PKNOX2: variants seen among roughly 807,000 people sequenced by gnomAD.
PKNOX2 encodes PBX/knotted 1 homeobox 2.
PKNOX2 carries 14 observed loss-of-function variants against 53.1 expected under a neutral mutation model. The ratio of observed to expected loss-of-function variants is 0.26; its 90% CI spans 0.17 to 0.41. PKNOX2 has a LOEUF of 0.41. Ranked by LOEUF, PKNOX2 falls within the 10% of genes least tolerant of loss-of-function variation. PKNOX2 has a pLI of 1.00. For synonymous variants in PKNOX2, 257 were observed against 242.8 expected, an observed-to-expected ratio of 1.06 and a Z score of -0.54; for missense variants, 496 against 602.8, an observed-to-expected ratio of 0.82 and a Z score of 1.85.
intron 5 of PKNOX2, among the ~76,000 whole-genome samples, chr11:125,377,669 G>C (rs1216661119): frequency 1.3e-5 from 2 of 152,192 alleles, no homozygotes; most frequent in Non-Finnish European, 2.9e-5. Flanking sequence ...CAATCTTTTG[G>C]CTTCCTTGAG....
chr11:125,209,906 G>T (rs1939621896), intron 1 of PKNOX2, among the ~76,000 whole-genome samples: 1 of 152,060 alleles, frequency 6.6e-6, no homozygotes. Context: ...TTCTGGGCTG[G>T]TATTGCTCTT....
rs183670184 is a variant in PKNOX2, at chr11:125,234,582, T to A, written c.-200-463T>A. Among the ~76,000 whole-genome samples the A allele has an allele frequency of 1.8e-4, 28 of 152,304 alleles. No individual in the cohort carries two copies. The East Asian group carries it at 5.0e-3, about 27-fold the overall frequency. ...CCTGAGGTAGACAACAGGGTCAGCG[T>A]TGTCGTTTGCTTGCCTTTTGCAGCC... On this transcript the variant is annotated intron_variant, in intron 1 of 12. Coordinates refer to ENST00000298282, the MANE Select transcript of PKNOX2 (RefSeq NM_001382323.2).
intron 2 of PKNOX2, among the ~76,000 whole-genome samples, chr11:125,235,967 T>C (rs1942641091): frequency 6.6e-6 from 1 of 152,216 alleles, no homozygotes; most frequent in East Asian, 1.9e-4. Context: ...GCAGGCATAG[T>C]TTCCCCACGC....
At chr11:125,201,182 GT>G (rs1195884104) in intron 1 of PKNOX2, among the ~76,000 whole-genome samples, 5 of 152,122 alleles carry the variant, frequency 3.3e-5, no homozygotes, top group African/African-American at 1.2e-4. Context: ...TTGCTGCTTG[GT>G]TATGGCCATT....
intron 6 of PKNOX2, among the ~76,000 whole-genome samples, chr11:125,391,430 A>G (rs78262733): frequency 0.055 from 8,359 of 152,308 alleles, 317 homozygotes; most frequent in African/African-American, 0.099. Context: ...GGAGGACCAT[A>G]ATACCACAGT....
chr11:125,410,223 A>T lies in PKNOX2; in HGVS notation c.616A>T (p.Met206Leu). The T allele has an allele frequency of 6.2e-7, 1 of 1,613,988 alleles. No individual in the cohort carries two copies. The highest frequency in any genetic ancestry group is 1.1e-5 in the South Asian group (1 of 91,072). The stretch of plus-strand genomic sequence containing the variant: ...CCTCCTGCAGAATTCCCCCAATTCC[A>T]TGTCCGGAGTCTCCAATAACCCCCA... ...QDLLQNSPNS[M>L]SGVSNNPQGI... Residue 206 changes from methionine (M) to leucine (L), a missense_variant, in exon 8 of 13, where the codon ATG becomes TTG. Met to Leu is a conservative substitution (Grantham distance 15). Transcript: ENST00000298282.
intron 2 of PKNOX2, among the ~76,000 whole-genome samples, chr11:125,242,178 A>T (rs961763040): frequency 5.3e-5 from 8 of 152,052 alleles, no homozygotes; most frequent in African/African-American, 1.9e-4. Context: ...CATTTCGCAC[A>T]TGCTCACATG....
chr11:125,416,172 G>A (rs547274805), intron 10 of PKNOX2, among the ~76,000 whole-genome samples: 5 of 151,036 alleles, frequency 3.3e-5, no homozygotes, highest in East Asian at 1.9e-4. Flanking sequence ...GCGTGGTGGC[G>A]GGCGCCTGTA....
chr11:125,312,385 A>G (rs1454033641), intron 2 of PKNOX2, among the ~76,000 whole-genome samples: 1 of 152,234 alleles, frequency 6.6e-6, no homozygotes. Context: ...ATCCAAGCCC[A>G]TTTCAGTTGG....
At chr11:125,322,295 A>G (rs1024548759) in intron 2 of PKNOX2, among the ~76,000 whole-genome samples, 2 of 152,118 alleles carry the variant, frequency 1.3e-5, no homozygotes, top group Admixed American at 1.3e-4. Context: ...AGGGTACTGG[A>G]GAAAAATGGG....
chr11:125,166,369 C>G lies in PKNOX2; in HGVS notation c.-201+1593C>G, dbSNP rs557142038. Among the ~76,000 whole-genome samples, 85 of 152,316 alleles carry G rather than the reference C, an allele frequency of 5.6e-4. No homozygotes were observed. The highest frequency in any genetic ancestry group is 2.0e-3 in the African/African-American group (85 of 41,568). On this transcript the variant is annotated intron_variant, in intron 1 of 12. Coordinates refer to ENST00000298282, the MANE Select transcript of PKNOX2 (RefSeq NM_001382323.2). This position sits in a 1 kb window ranked among gnomAD's most constrained non-coding sequence, Gnocchi z 4.0. Reference sequence around the variant, plus strand: ...AGCCCCGAATTTTTGCTGCTTCCCCCTGAAAGTGTTTCTTTAGGAGGAGAG... The same window carrying G: ...AGCCCCGAATTTTTGCTGCTTCCCCGTGAAAGTGTTTCTTTAGGAGGAGAG...
chr11:125,330,288 G>A (rs73025728), intron 2 of PKNOX2: 5,252 of 152,332 alleles, frequency 0.034, 102 homozygotes, highest in African/African-American at 0.037. Context: ...TGGGGTGGCC[G>A]CAGAACCGGG....
chr11:125,167,272 C>T (rs573503903), intron 1 of PKNOX2, among the ~76,000 whole-genome samples: 107 of 152,242 alleles, frequency 7.0e-4, no homozygotes, highest in African/African-American at 2.5e-3. Context: ...AACCCACCAT[C>T]CCAGCCCCCT....
intron 3 of PKNOX2, among the ~76,000 whole-genome samples, chr11:125,340,378 G>A (rs1045186449): frequency 6.6e-6 from 1 of 152,208 alleles, no homozygotes; most frequent in Non-Finnish European, 1.5e-5. Context: ...CCAGTTTCTA[G>A]GAGTCTCAGT....
intron 2 of PKNOX2, among the ~76,000 whole-genome samples, chr11:125,324,755 CA>C (rs1402314205): frequency 6.6e-6 from 1 of 152,130 alleles, no homozygotes; most frequent in Non-Finnish European, 1.5e-5. Context: ...GAGGCAAAAA[CA>C]AACAGATTGT....
chr11:125,278,477 G>C (rs527279037), intron 2 of PKNOX2, among the ~76,000 whole-genome samples: 1 of 152,300 alleles, frequency 6.6e-6, no homozygotes, highest in Non-Finnish European at 1.5e-5. Flanking sequence ...CAGTGCATCA[G>C]CTAGGACCCT....
chr11:125,298,375 G>A (rs551160701), intron 2 of PKNOX2, among the ~76,000 whole-genome samples: 6 of 152,280 alleles, frequency 3.9e-5, no homozygotes, highest in South Asian at 2.1e-4. Context: ...GAAGCGGCGC[G>A]TTTGTCACAG....
intron 1 of PKNOX2, among the ~76,000 whole-genome samples, chr11:125,229,087 G>A (rs1449496578): frequency 2.6e-5 from 4 of 152,186 alleles, no homozygotes; most frequent in Admixed American, 2.6e-4. Flanking sequence ...GAGACACTTG[G>A]TGGGTCCATG....
chr11:125,254,263 T>C (rs142607085), intron 2 of PKNOX2, among the ~76,000 whole-genome samples: 132 of 152,346 alleles, frequency 8.7e-4, no homozygotes, highest in Middle Eastern at 3.4e-3. Flanking sequence ...TCCATCTCCC[T>C]GAATCTCAGA....
Sources: gnomAD v4.1 joint callset for allele counts (sites outside exome capture counted in the v4.1 genomes callset) on GRCh38, gnomAD v4.1.1 for gene constraint, Gnocchi (gnomAD v3.1) non-coding constraint, MANE v1.5 for transcripts, NCBI Gene and HGNC (gene_info 2026-07-23, HGNC 2026-07-21) for gene names.